The following KIFAP3 variants were observed in gnomAD, a reference collection of about 807,000 sequenced individuals.
The protein encoded by KIFAP3 is kinesin associated protein 3, also known as kinesin-associated protein 3.
Under a neutral mutation model 106.5 loss-of-function variants are expected in KIFAP3, and 68 were observed. That is an observed-to-expected ratio of 0.64 (90% CI 0.53 to 0.78). KIFAP3 has a LOEUF of 0.78. Ranked by LOEUF, KIFAP3 falls within the 30% of genes least tolerant of loss-of-function variation. The pLI, the probability that KIFAP3 is intolerant of heterozygous loss-of-function variation, is 0.00. For missense variants in KIFAP3, 780 were observed against 941.8 expected, an observed-to-expected ratio of 0.83 and a Z score of 2.25; for synonymous variants, 320 against 311.5, an observed-to-expected ratio of 1.03 and a Z score of -0.29.
intron 10 of KIFAP3, among the ~76,000 whole-genome samples, chr1:170,004,219 A>G (rs913372286): frequency 1.3e-5 from 2 of 151,904 alleles, no homozygotes; most frequent in Non-Finnish European, 2.9e-5. Flanking sequence ...ATACAAACAA[A>G]TGGAAGAACA....
chr1:169,972,110 T>G (rs1307354942), intron 17 of KIFAP3, among the ~76,000 whole-genome samples: 2 of 151,970 alleles, frequency 1.3e-5, no homozygotes, highest in East Asian at 3.9e-4. Context: ...ATGTATAAAA[T>G]AAAACTATCA....
chr1:169,944,342 G>A (rs1664308312), intron 19 of KIFAP3, among the ~76,000 whole-genome samples: 1 of 152,200 alleles, frequency 6.6e-6, no homozygotes, highest in African/African-American at 2.4e-5. Context: ...CGCAGCTTCT[G>A]CTCTGAGCAA....
chr1:170,060,269 G>A (rs572573684), intron 1 of KIFAP3, among the ~76,000 whole-genome samples: 3 of 152,096 alleles, frequency 2.0e-5, no homozygotes, highest in African/African-American at 4.8e-5. Context: ...AAACCCCATC[G>A]TCTCAGCCAA....
intron 5 of KIFAP3, 28 bp from the exon 6 acceptor site, chr1:170,035,581 G>A (rs4656732): frequency 0.11 from 147,332 of 1,395,600 alleles, 8,875 homozygotes; most frequent in Admixed American, 0.23. Flanking sequence ...GTACCGAAAC[G>A]ATCATTCTCC....
chr1:169,931,381 A>T (rs2101784725), intron 19 of KIFAP3, among the ~76,000 whole-genome samples: 1 of 152,298 alleles, frequency 6.6e-6, no homozygotes, highest in East Asian at 1.9e-4. Context: ...TTAACAGAAA[A>T]AATGCTCTAA....
rs542798291 is a variant in KIFAP3 at position 169,963,633 on chromosome 1, C to T, written c.1984-2398G>A. 2.0e-5 allele frequency among the ~76,000 whole-genome samples: 3 copies of T among 152,170 alleles called. No individual in the cohort carries two copies. In the South Asian group the frequency reaches 6.2e-4, roughly 32 times the overall value. ...TCAGCCTCCAGAATAGCTGAGATTA[C>T]AGGTGCCTGCCACCACCACCTGGCT... On this transcript the variant is annotated intron_variant, in intron 17 of 19. Coordinates refer to ENST00000361580, the MANE Select transcript of KIFAP3 (RefSeq NM_014970.4).
In KIFAP3 at chr1:170,074,249, T is replaced by C. The variant is rs192854630; in HGVS notation, c.32+187A>G. Among the ~76,000 whole-genome samples, 279 of 152,278 alleles carry C rather than the reference T, an allele frequency of 1.8e-3. 1 individual carries two copies. Among genetic ancestry groups the C allele is most frequent in the African/African-American group, 6.5e-3 (272 of 41,564 alleles). On this transcript the variant is annotated intron_variant, in intron 1 of 19. Transcript: ENST00000361580. ...CTCCGCCGAGTCAGGTCAAAGGACTTTGAAACCCCCCCAGAGCTCTCCTTT... is the reference window on the plus strand; with the variant it reads ...CTCCGCCGAGTCAGGTCAAAGGACTCTGAAACCCCCCCAGAGCTCTCCTTT...
chr1:170,074,626 G>A lies in KIFAP3; in HGVS notation c.-159C>T, dbSNP rs534308368. 5 of 1,495,320 alleles carry A rather than the reference G, an allele frequency of 3.3e-6. No homozygotes were observed. Among genetic ancestry groups the A allele is most frequent in the Middle Eastern group, 2.3e-4 (1 of 4,314 alleles). 92.6% of individuals were successfully genotyped at this position (1,495,320 alleles called of 1,614,324 possible). ...GCGGCGCTGTGGTTACCACGGTGAA[G>A]CCTCCAGCTCCTCCCACAGCTTCTG... On this transcript the variant is annotated 5_prime_UTR_variant, in exon 1 of 20. Coordinates refer to ENST00000361580, the MANE Select transcript of KIFAP3 (RefSeq NM_014970.4).
intron 1 of KIFAP3, among the ~76,000 whole-genome samples, chr1:170,056,992 G>A (rs1413231738): frequency 6.6e-6 from 1 of 152,038 alleles, no homozygotes; most frequent in African/African-American, 2.4e-5. Context: ...AAAAGCTATA[G>A]AAGTCACAGG....
chr1:169,966,111 CT>C (rs1309232005), intron 17 of KIFAP3, among the ~76,000 whole-genome samples: 1 of 151,836 alleles, frequency 6.6e-6, no homozygotes, highest in Non-Finnish European at 1.5e-5. Flanking sequence ...TGTATTCTAA[CT>C]TTTAAGCATT....
At chr1:170,014,536 T>A (rs180857364) in intron 10 of KIFAP3, among the ~76,000 whole-genome samples, 1 of 152,200 alleles carries the variant, frequency 6.6e-6, no homozygotes, top group Non-Finnish European at 1.5e-5. Flanking sequence ...TGAAATCTTA[T>A]CTATAAAGTA....
chr1:170,076,223 CA>C (rs1671906456), upstream of KIFAP3, among the ~76,000 whole-genome samples: 1 of 151,788 alleles, frequency 6.6e-6, no homozygotes, highest in South Asian at 2.1e-4. Context: ...ATAGCAACAA[CA>C]ACAACAAAAA....
intron 2 of KIFAP3, among the ~76,000 whole-genome samples, chr1:170,051,679 G>T (rs1670583015): frequency 6.6e-6 from 1 of 152,132 alleles, no homozygotes; most frequent in South Asian, 2.1e-4. Flanking sequence ...TAGAACTCAG[G>T]ACTAAGAAAC....
chr1:170,012,739 C>G (rs1340053293), intron 10 of KIFAP3, among the ~76,000 whole-genome samples: 1 of 151,966 alleles, frequency 6.6e-6, no homozygotes, highest in African/African-American at 2.4e-5. Flanking sequence ...CAGACATACC[C>G]AAGACGGGGT....
At chr1:170,078,828 C>A (rs1289537197), upstream of KIFAP3, among the ~76,000 whole-genome samples, 1 of 152,082 alleles carries the variant, frequency 6.6e-6, no homozygotes, top group Non-Finnish European at 1.5e-5. Context: ...ATCCTGATAT[C>A]AAAATTAGAA....
At chr1:170,014,338 T>G (rs145264581) in intron 10 of KIFAP3, among the ~76,000 whole-genome samples, 13 of 152,342 alleles carry the variant, frequency 8.5e-5, no homozygotes, top group African/African-American at 2.9e-4. Context: ...ATGTTATCTT[T>G]CACTTATTCT....
At chr1:169,983,855 G>A (rs1453295091) in intron 12 of KIFAP3, among the ~76,000 whole-genome samples, 1 of 151,842 alleles carries the variant, frequency 6.6e-6, no homozygotes, top group Non-Finnish European at 1.5e-5. Flanking sequence ...AGCACTGTTT[G>A]TAACGGAAAA....
At chr1:169,929,779 A>C (rs940856077) in intron 19 of KIFAP3, among the ~76,000 whole-genome samples, 1 of 152,094 alleles carries the variant, frequency 6.6e-6, no homozygotes, top group Non-Finnish European at 1.5e-5. Context: ...AATCAAGGGC[A>C]AATTATATGA....
At chr1:170,024,853 A>G (rs951289556) in intron 8 of KIFAP3, among the ~76,000 whole-genome samples, 2 of 152,130 alleles carry the variant, frequency 1.3e-5, no homozygotes, top group Non-Finnish European at 2.9e-5. Context: ...GGACACAATA[A>G]CCAAAATAAA....
Sources: allele counts gnomAD v4.1 joint callset (sites outside exome capture counted in the v4.1 genomes callset), GRCh38; gene constraint gnomAD v4.1.1; transcripts MANE v1.5; gene names NCBI Gene and HGNC (gene_info 2026-07-23, HGNC 2026-07-21).